KIRREL3: variants seen among roughly 807,000 people sequenced by gnomAD.
KIRREL3 encodes the protein kin of IRRE-like protein 3.
KIRREL3 carries 36 observed loss-of-function variants against 89.7 expected under a neutral mutation model. The ratio of observed to expected loss-of-function variants is 0.40; its 90% CI spans 0.31 to 0.53. KIRREL3 has a LOEUF of 0.53. Among genes scored for constraint, KIRREL3 ranks in the 20% least tolerant of loss-of-function variants. The probability of loss-of-function intolerance (pLI) is 0.49; values close to 1 mark genes in which losing one functional copy is unlikely to be tolerated. For synonymous variants in KIRREL3, 445 were observed against 441.4 expected, an observed-to-expected ratio of 1.01 and a Z score of -0.10; for missense variants, 864 against 1,056.6, an observed-to-expected ratio of 0.82 and a Z score of 2.53.
chr11:126,939,176 C>T (rs187892296), intron 1 of KIRREL3, among the ~76,000 whole-genome samples: 42 of 152,282 alleles, frequency 2.8e-4, no homozygotes, highest in Admixed American at 2.2e-3. Context: ...TGGTAAAAAC[C>T]AGTTCAGAGA....
At chr11:126,473,285 CA>C in intron 5 of KIRREL3, 23 bp downstream of exon 5, 1 of 1,221,686 alleles carries the variant, frequency 8.2e-7, no homozygotes, top group Non-Finnish European at 1.1e-6. Flanking sequence ...CGTCCACACC[CA>C]CCCCCTCCCC....
chr11:126,511,036 G>C (rs574549989), intron 4 of KIRREL3, among the ~76,000 whole-genome samples: 5 of 145,218 alleles, frequency 3.4e-5, no homozygotes, highest in African/African-American at 1.4e-4. Flanking sequence ...GCTCCCTGGA[G>C]ATCTGCAGTG....
chr11:126,577,397 T>C (rs182307287), intron 1 of KIRREL3, among the ~76,000 whole-genome samples: 4 of 151,516 alleles, frequency 2.6e-5, no homozygotes, highest in African/African-American at 7.3e-5. Flanking sequence ...TTGGACAAAT[T>C]TGGGTCTGAT....
intron 1 of KIRREL3, among the ~76,000 whole-genome samples, chr11:126,712,866 GT>G (rs767820909): frequency 3.1e-4 from 47 of 152,344 alleles, no homozygotes; most frequent in Non-Finnish European, 5.3e-4. Flanking sequence ...AAAGAAACCA[GT>G]TTAGGTGTCC....
rs1404181766 is a variant in KIRREL3, at chr11:126,897,065, C to T, written c.55+103390G>A. Among the ~76,000 whole-genome samples the T allele has an allele frequency of 6.6e-6, 1 of 152,152 alleles. No individual in the cohort carries two copies. Among genetic ancestry groups the T allele is most frequent in the Admixed American group, 6.5e-5 (1 of 15,274 alleles). ...TTCTCCTCTCTCTTCCCTGCTCTTC[C>T]TCTTATCCAAGTTATTAAAATACGA... On this transcript the variant is annotated intron_variant, in intron 1 of 16. Coordinates refer to ENST00000525144, the MANE Select transcript of KIRREL3 (RefSeq NM_032531.4). This position sits in a 1 kb window ranked among gnomAD's most constrained non-coding sequence, Gnocchi z 4.2.
chr11:126,857,782 T>TGTGGAG (rs11283324), intron 1 of KIRREL3, among the ~76,000 whole-genome samples: 2 of 120,058 alleles, frequency 1.7e-5, no homozygotes, highest in South Asian at 3.2e-4. Flanking sequence ...CTTCAGGCTG[T>TGTGGAG]GGGGGTGGGG....
chr11:126,450,979 G>T (rs559388869), intron 7 of KIRREL3, among the ~76,000 whole-genome samples: 2 of 151,492 alleles, frequency 1.3e-5, no homozygotes, highest in African/African-American at 4.9e-5. Flanking sequence ...GCATGGGTGT[G>T]TGCATGTGTC....
rs1170958238 is a variant in KIRREL3 at position 126,525,884 on chromosome 11, T to C, written c.283+654A>G. On this transcript the variant is annotated intron_variant, in intron 3 of 16. Transcript: ENST00000525144. This position sits in a 1 kb window ranked among gnomAD's most constrained non-coding sequence, Gnocchi z 5.4. ...GGTCTTATGGGATCACTATTCACAA[T>C]AGTTAACAAATGATCTGTTGTCAGC... 3.3e-5 allele frequency among the ~76,000 whole-genome samples: 5 copies of C among 152,130 alleles called. No individual in the cohort carries two copies. Among genetic ancestry groups the C allele is most frequent in the Non-Finnish European group, 5.9e-5 (4 of 68,024 alleles).
In KIRREL3 at chr11:126,805,984, A is replaced by G. The variant is rs1951191202; in HGVS notation, c.55+194471T>C. On this transcript the variant is annotated intron_variant, in intron 1 of 16. Transcript: ENST00000525144. This position sits in a 1 kb window ranked among gnomAD's most constrained non-coding sequence, Gnocchi z 4.3. ...GCCCCCAAATCCTCCCTTCAATGAC[A>G]TCAACAAATTTAAAAAATCCACACC... Among the ~76,000 whole-genome samples the G allele has an allele frequency of 6.6e-6, 1 of 152,148 alleles. No homozygotes were observed. The highest frequency in any genetic ancestry group is 2.1e-4 in the South Asian group (1 of 4,830).
At chr11:126,536,402 A>G (rs1416333649) in intron 2 of KIRREL3, among the ~76,000 whole-genome samples, 2 of 152,068 alleles carry the variant, frequency 1.3e-5, no homozygotes, top group African/African-American at 4.8e-5. Context: ...TCTTCTAGGG[A>G]TGCATTCTGG....
At position 126,808,433 on chromosome 11, in the gene KIRREL3, G is replaced by C. The variant is rs1010874501; in HGVS notation, c.55+192022C>G. ...GGTGGGAGGGCTCTGCTAAGATGTAGAGCAGTTATTAAGGCCTTAAGATAA... is the reference window on the plus strand; with the variant it reads ...GGTGGGAGGGCTCTGCTAAGATGTACAGCAGTTATTAAGGCCTTAAGATAA... On this transcript the variant is annotated intron_variant, in intron 1 of 16. Transcript: ENST00000525144. This position sits in a 1 kb window ranked among gnomAD's most constrained non-coding sequence, Gnocchi z 4.1. Among the ~76,000 whole-genome samples the C allele has an allele frequency of 2.0e-5, 3 of 152,128 alleles. No homozygotes were observed. The highest frequency in any genetic ancestry group is 2.1e-4 in the South Asian group (1 of 4,822).
chr11:126,651,778 C>T lies in KIRREL3; in HGVS notation c.56-88866G>A, dbSNP rs1017321201. Among the ~76,000 whole-genome samples the T allele has an allele frequency of 6.6e-6, 1 of 152,098 alleles. No individual in the cohort carries two copies. The highest frequency in any genetic ancestry group is 2.4e-5 in the African/African-American group (1 of 41,422). The stretch of plus-strand genomic sequence containing the variant: ...TGTACTTGTACAAGGTCTTGAAACA[C>T]ATATTAGGAATGATTATACCAGAGA... On this transcript the variant is annotated intron_variant, in intron 1 of 16. Coordinates refer to ENST00000525144, the MANE Select transcript of KIRREL3 (RefSeq NM_032531.4). This position sits in a 1 kb window ranked among gnomAD's most constrained non-coding sequence, Gnocchi z 4.6.
rs1324781960 is a variant in KIRREL3 at position 126,528,646 on chromosome 11, TC to T, written c.134-1960del. On this transcript the variant is annotated intron_variant, in intron 2 of 16. Coordinates refer to ENST00000525144, the MANE Select transcript of KIRREL3 (RefSeq NM_032531.4). The surrounding 1 kb of genome is among the most constrained non-coding windows in gnomAD (Gnocchi z 4.6). ...AGCTATGTATGGTAGGTTTTTTTTT[TC>T]CTCTCTGTCTCTTCAAGTTCTCTGT... 1.3e-5 allele frequency among the ~76,000 whole-genome samples: 2 copies of T among 152,078 alleles called. No homozygotes were observed. Among genetic ancestry groups the T allele is most frequent in the Non-Finnish European group, 2.9e-5 (2 of 68,018 alleles).
At position 126,495,417 on chromosome 11, in the gene KIRREL3, G is replaced by T. The variant is rs1030857266; in HGVS notation, c.434-21951C>A. Among the ~76,000 whole-genome samples, 1 of 151,982 alleles carries T rather than the reference G, an allele frequency of 6.6e-6. No homozygotes were observed. The highest frequency in any genetic ancestry group is 1.5e-5 in the Non-Finnish European group (1 of 67,980). ...CTGACCTCCCTGCCTGACCCCAGGTGGTTCTGCTTTCTCCCCAAAGCCTCC... is the reference window on the plus strand; with the variant it reads ...CTGACCTCCCTGCCTGACCCCAGGTTGTTCTGCTTTCTCCCCAAAGCCTCC... On this transcript the variant is annotated intron_variant, in intron 4 of 16. Coordinates refer to ENST00000525144, the MANE Select transcript of KIRREL3 (RefSeq NM_032531.4). The surrounding 1 kb of genome is among the most constrained non-coding windows in gnomAD (Gnocchi z 6.5).
chr11:126,735,079 T>C (rs114163959), intron 1 of KIRREL3, among the ~76,000 whole-genome samples: 2,145 of 152,314 alleles, frequency 0.014, 47 homozygotes, highest in African/African-American at 0.045. Context: ...GGCTGCTGCC[T>C]GATGGAGGAA....
chr11:126,644,058 G>A (rs1377730096), intron 1 of KIRREL3, among the ~76,000 whole-genome samples: 1 of 152,196 alleles, frequency 6.6e-6, no homozygotes, highest in African/African-American at 2.4e-5. Context: ...TCCAGAACTA[G>A]ATATAAGGAA....
intron 8 of KIRREL3, 63 bp downstream of exon 8, chr11:126,448,946 C>T: frequency 3.3e-6 from 5 of 1,504,776 alleles, no homozygotes; most frequent in Non-Finnish European, 4.5e-6. Flanking sequence ...CTGGTTTCTC[C>T]AGCTCTAAGC....
Position 126,683,539 on chromosome 11 carries a change from A to G in KIRREL3, c.56-120627T>C, listed in dbSNP as rs1214554219. Among the ~76,000 whole-genome samples the G allele has an allele frequency of 6.6e-6, 1 of 152,192 alleles. No individual in the cohort carries two copies. Among genetic ancestry groups the G allele is most frequent in the Non-Finnish European group, 1.5e-5 (1 of 68,040 alleles). On this transcript the variant is annotated intron_variant, in intron 1 of 16. Coordinates refer to ENST00000525144, the MANE Select transcript of KIRREL3 (RefSeq NM_032531.4). This position sits in a 1 kb window ranked among gnomAD's most constrained non-coding sequence, Gnocchi z 5.2. ...TCTTTCTTATCTGCAAAATGGGAAG[A>G]GTAAGGGCACCCATCTTGGAGGAGA... is the stretch of plus-strand genomic sequence containing the variant.
intron 4 of KIRREL3, among the ~76,000 whole-genome samples, chr11:126,479,328 C>T (rs1487500867): frequency 6.6e-6 from 1 of 152,204 alleles, no homozygotes; most frequent in Non-Finnish European, 1.5e-5. Flanking sequence ...TCCCTCCCAA[C>T]CTTTCTCTCA....
Sources: gnomAD v4.1 joint callset for allele counts (sites outside exome capture counted in the v4.1 genomes callset) on GRCh38, gnomAD v4.1.1 for gene constraint, Gnocchi (gnomAD v3.1) non-coding constraint, MANE v1.5 for transcripts, NCBI Gene and HGNC (gene_info 2026-07-23, HGNC 2026-07-21) for gene names.